The following CFAP210 variants were observed in gnomAD, a reference collection of about 807,000 sequenced individuals.
The protein encoded by CFAP210 is cilia- and flagella- associated protein 210.
chr2:169,661,056 T>G, the CFAP210 span: 1 of 524,446 alleles, frequency 1.9e-6, no homozygotes, highest in South Asian at 1.5e-5. Context: ...GTTCTTGCAC[T>G]AGATGCTGGG....
the CFAP210 span, among the ~76,000 whole-genome samples, chr2:169,666,162 T>C: frequency 6.6e-6 from 1 of 152,120 alleles, no homozygotes; most frequent in African/African-American, 2.4e-5. Flanking sequence ...TCTCTTTTCT[T>C]TATTTTGGTG....
the CFAP210 span, among the ~76,000 whole-genome samples, chr2:169,660,362 C>A: frequency 6.6e-6 from 1 of 151,324 alleles, no homozygotes; most frequent in Non-Finnish European, 1.5e-5. Flanking sequence ...TGCACTCCAA[C>A]CTGGTTGACA....
chr2:169,652,987 A>T, the CFAP210 span, among the ~76,000 whole-genome samples: 7 of 113,186 alleles, frequency 6.2e-5, no homozygotes, highest in South Asian at 3.4e-4. Context: ...GCGACAGAGC[A>T]AGACTCCGTC....
chr2:169,682,319 C>T, the CFAP210 span, among the ~76,000 whole-genome samples: 2 of 152,176 alleles, frequency 1.3e-5, no homozygotes, highest in Non-Finnish European at 2.9e-5. Context: ...AGACATCATA[C>T]AAACCACATC....
At chr2:169,667,092 T>C in the CFAP210 span, among the ~76,000 whole-genome samples, 21 of 152,216 alleles carry the variant, frequency 1.4e-4, no homozygotes, top group African/African-American at 5.1e-4. Flanking sequence ...CAAACTCTTA[T>C]TAATGTTGAT....
chr2:169,649,354 T>C, the CFAP210 span: 1 of 1,606,294 alleles, frequency 6.2e-7, no homozygotes, highest in Non-Finnish European at 8.5e-7. Context: ...CATCTAGATG[T>C]TTAAAGGCAA....
chr2:169,674,464 C>A, the CFAP210 span: 2 of 896,940 alleles, frequency 2.2e-6, no homozygotes, highest in Non-Finnish European at 3.3e-6. Context: ...CCTTTTTGTA[C>A]TTTTTCTACT....
chr2:169,675,038 C>T, the CFAP210 span: 14 of 1,495,396 alleles, frequency 9.4e-6, no homozygotes, highest in Non-Finnish European at 1.2e-5. Context: ...GTTCTTTCAT[C>T]CCCTGTAAAA....
chr2:169,646,991 A>G, the CFAP210 span, among the ~76,000 whole-genome samples: 2 of 152,170 alleles, frequency 1.3e-5, no homozygotes, highest in Non-Finnish European at 2.9e-5. Flanking sequence ...AAATGTTGGC[A>G]TAAAATAGTA....
the CFAP210 span, among the ~76,000 whole-genome samples, chr2:169,657,210 T>G: frequency 1.2e-4 from 18 of 151,808 alleles, no homozygotes; most frequent in African/African-American, 4.1e-4. Context: ...TCTAGAACAA[T>G]AGAAAGATAA....
At chr2:169,646,409 A>G in the CFAP210 span, among the ~76,000 whole-genome samples, 90,651 of 152,014 alleles carry the variant, frequency 0.6, 27,685 homozygotes, top group African/African-American at 0.73. Context: ...TACATTTGCA[A>G]ATAGCACAGT....
the CFAP210 span, chr2:169,649,067 C>A: frequency 2.4e-6 from 2 of 833,522 alleles, no homozygotes; most frequent in Non-Finnish European, 3.6e-6. Context: ...TGTGTCATAA[C>A]CATAATGACC....
chr2:169,659,690 C>A, the CFAP210 span, among the ~76,000 whole-genome samples: 1 of 152,122 alleles, frequency 6.6e-6, no homozygotes, highest in South Asian at 2.1e-4. Flanking sequence ...TGCTCTTAAC[C>A]CCTCCCAAAT....
chr2:169,681,738 G>A, the CFAP210 span, among the ~76,000 whole-genome samples: 1 of 152,176 alleles, frequency 6.6e-6, no homozygotes, highest in Non-Finnish European at 1.5e-5. Context: ...AAGAACACTT[G>A]TATCTCCATT....
At chr2:169,674,038 T>C in the CFAP210 span, among the ~76,000 whole-genome samples, 1 of 152,196 alleles carries the variant, frequency 6.6e-6, no homozygotes, top group Non-Finnish European at 1.5e-5. Context: ...TTATTGTTGT[T>C]GGGGTTGGCC....
At chr2:169,669,398 G>A in the CFAP210 span, among the ~76,000 whole-genome samples, 1 of 152,100 alleles carries the variant, frequency 6.6e-6, no homozygotes, top group African/African-American at 2.4e-5. Flanking sequence ...CCATTGAAGT[G>A]CTTAAGGTAG....
At chr2:169,672,969 A>G in the CFAP210 span, among the ~76,000 whole-genome samples, 142 of 152,316 alleles carry the variant, frequency 9.3e-4, no homozygotes, top group African/African-American at 3.2e-3. Context: ...TCTTACCCAC[A>G]TAACTGAATT....
the CFAP210 span, among the ~76,000 whole-genome samples, chr2:169,678,029 T>TA: frequency 6.6e-6 from 1 of 152,078 alleles, no homozygotes; most frequent in Non-Finnish European, 1.5e-5. Flanking sequence ...CTGAAAACTA[T>TA]AAAACACTGC....
At chr2:169,680,455 T>C in the CFAP210 span, among the ~76,000 whole-genome samples, 2 of 152,258 alleles carry the variant, frequency 1.3e-5, no homozygotes, top group Non-Finnish European at 2.9e-5. Flanking sequence ...TATAAGTGAA[T>C]GTTCATAGCA....
Sources: gnomAD v4.1 joint callset for allele counts (sites outside exome capture counted in the v4.1 genomes callset) on GRCh38, gnomAD v4.1.1 for gene constraint, MANE v1.5 for transcripts, NCBI Gene and HGNC (gene_info 2026-07-23, HGNC 2026-07-21) for gene names.